LRRC8C: variants seen among roughly 807,000 people sequenced by gnomAD.
The protein encoded by LRRC8C is leucine rich repeat containing 8 VRAC subunit C.
Under a neutral mutation model 55.3 loss-of-function variants are expected in LRRC8C, and 20 were observed. The observed-to-expected ratio is 0.36, with a 90% CI of 0.25 to 0.53. LRRC8C has a LOEUF of 0.53. LRRC8C is among the 20% of genes least tolerant of loss of function. The pLI is 0.92. For missense variants in LRRC8C, 659 were observed against 951.4 expected (o/e 0.69, Z 4.04); for synonymous variants, 376 against 360.7 (o/e 1.04, Z -0.48).
chr1:89,648,487 T>G (rs1656673325), intron 1 of LRRC8C, among the ~76,000 whole-genome samples: 1 of 152,164 alleles, frequency 6.6e-6, no homozygotes, highest in Non-Finnish European at 1.5e-5. Context: ...TATAAGGAAG[T>G]TAATATCTTC....
At chr1:89,682,366 G>T (rs1041646368) in intron 1 of LRRC8C, among the ~76,000 whole-genome samples, 2 of 152,072 alleles carry the variant, frequency 1.3e-5, no homozygotes, top group African/African-American at 2.4e-5. Flanking sequence ...AAAGCATGAG[G>T]TCTGTGAAGC....
At chr1:89,709,660 C>A (rs1247465748) in intron 2 of LRRC8C, among the ~76,000 whole-genome samples, 1 of 152,012 alleles carries the variant, frequency 6.6e-6, no homozygotes, top group Non-Finnish European at 1.5e-5. Flanking sequence ...TAAGAAGATG[C>A]CTCCCTTTTT....
At chr1:89,648,219 C>T (rs573555861) in intron 1 of LRRC8C, among the ~76,000 whole-genome samples, 13 of 152,196 alleles carry the variant, frequency 8.5e-5, no homozygotes, top group Non-Finnish European at 1.9e-4. Flanking sequence ...TCATTGAATT[C>T]CTAATTTTAA....
intron 1 of LRRC8C, among the ~76,000 whole-genome samples, chr1:89,654,860 G>A (rs1180988980): frequency 1.4e-5 from 2 of 142,170 alleles, no homozygotes; most frequent in East Asian, 2.1e-4. Flanking sequence ...TTGTGTGCTA[G>A]CACTTTAGTA....
chr1:89,682,612 G>T (rs1352892746), intron 1 of LRRC8C, among the ~76,000 whole-genome samples: 2 of 152,140 alleles, frequency 1.3e-5, no homozygotes, highest in African/African-American at 2.4e-5. Flanking sequence ...GGTTAGTAAG[G>T]CACCTTCACA....
At chr1:89,637,947 G>C (rs912857805) in intron 1 of LRRC8C, among the ~76,000 whole-genome samples, 1 of 152,104 alleles carries the variant, frequency 6.6e-6, no homozygotes, top group Non-Finnish European at 1.5e-5. Flanking sequence ...CTAACATTCG[G>C]TGTATCTAAC....
At position 89,684,214 on chromosome 1, in the gene LRRC8C, A is replaced by AGCCACT. The variant is rs1180522531; in HGVS notation, c.-4-2253_-4-2248dup. ...GGTTCCTGAGACCAAAAAGTTAGAGAGCCACTGCTCTATATTGGTGCATTT... is the reference window on the plus strand; with the variant it reads ...GGTTCCTGAGACCAAAAAGTTAGAGAGCCACTGCCACTGCTCTATATTGGTGCATTT... On this transcript the variant is annotated intron_variant, in intron 1 of 2. Transcript: ENST00000370454. Among the ~76,000 whole-genome samples, 11 of 152,208 alleles carry AGCCACT rather than the reference A, an allele frequency of 7.2e-5. No individual in the cohort carries two copies. The East Asian group carries it at 2.1e-3, about 29-fold the overall frequency.
chr1:89,631,989 T>C (rs1003533848), upstream of LRRC8C: 1 of 152,260 alleles, frequency 6.6e-6, no homozygotes, highest in Non-Finnish European at 1.5e-5. Flanking sequence ...GGCCAGCAAC[T>C]AGTTGTCTAT....
At chr1:89,686,203 C>G (rs575626958) in intron 1 of LRRC8C, among the ~76,000 whole-genome samples, 71 of 152,278 alleles carry the variant, frequency 4.7e-4, no homozygotes, top group Middle Eastern at 3.4e-3. Context: ...TGGAAAGTGT[C>G]TGGCCATGTT....
chr1:89,714,044 A>G lies in LRRC8C; in HGVS notation c.1474A>G (p.Asn492Asp), dbSNP rs1454813834. 1 of 1,613,864 alleles carries G rather than the reference A, an allele frequency of 6.2e-7. No homozygotes were observed. ...TGCGGCGCTCTCTTTCCTGAAGGAA[A>G]ACCTCAAGGTCTTGAGCGTCAAGTT... ...HSAALSFLKE[N>D]LKVLSVKFDD... is the part of the protein sequence containing the mutation. Residue 492 changes from asparagine (N) to aspartate (D), a missense_variant, in exon 3 of 3, where the codon AAC becomes GAC. This residue lies in a region of LRRC8C where 344 missense variants were observed against 464.6 expected (regional missense o/e 0.74). Transcript: ENST00000370454. This position sits in a 1 kb window ranked among gnomAD's most constrained non-coding sequence, Gnocchi z 4.6.
chr1:89,625,799 G>A, the LRRC8C span, among the ~76,000 whole-genome samples: 2 of 152,270 alleles, frequency 1.3e-5, no homozygotes, highest in South Asian at 2.1e-4. Flanking sequence ...AATTGCTTAG[G>A]CTTAAAATTA....
chr1:89,707,134 C>G (rs1165277603), intron 2 of LRRC8C, among the ~76,000 whole-genome samples: 16 of 151,976 alleles, frequency 1.1e-4, no homozygotes. Context: ...AGGCCAGGCG[C>G]TGTGGCTCAT....
At chr1:89,651,691 A>G (rs965293982) in intron 1 of LRRC8C, among the ~76,000 whole-genome samples, 6 of 151,962 alleles carry the variant, frequency 3.9e-5, no homozygotes, top group Non-Finnish European at 5.9e-5. Context: ...AAGATTGACA[A>G]TTTACTTGTT....
chr1:89,684,805 T>G (rs1229818816), intron 1 of LRRC8C, among the ~76,000 whole-genome samples: 2 of 152,212 alleles, frequency 1.3e-5, no homozygotes, highest in Non-Finnish European at 2.9e-5. Context: ...GATTCTACCC[T>G]GAAGAAACTT....
intron 1 of LRRC8C, among the ~76,000 whole-genome samples, chr1:89,671,132 T>C (rs1235015680): frequency 2.0e-5 from 3 of 152,088 alleles, no homozygotes; most frequent in African/African-American, 7.2e-5. Flanking sequence ...GGTACCATCA[T>C]AGCTCACTGC....
the LRRC8C span, chr1:89,624,900 T>G: frequency 6.6e-6 from 1 of 152,208 alleles, no homozygotes; most frequent in Non-Finnish European, 1.5e-5. Flanking sequence ...CCTAAGCATA[T>G]TAATACGCAT....
chr1:89,673,589 G>C (rs943231392), intron 1 of LRRC8C, among the ~76,000 whole-genome samples: 2 of 152,062 alleles, frequency 1.3e-5, no homozygotes, highest in Non-Finnish European at 2.9e-5. Context: ...TCTGACATAG[G>C]ATGCAAATTA....
At chr1:89,649,101 A>C (rs2101192761) in intron 1 of LRRC8C, among the ~76,000 whole-genome samples, 1 of 152,258 alleles carries the variant, frequency 6.6e-6, no homozygotes, top group South Asian at 2.1e-4. Flanking sequence ...TAGGAATAGA[A>C]TTTCTGGGTA....
intron 1 of LRRC8C, among the ~76,000 whole-genome samples, chr1:89,653,157 T>C (rs1362902998): frequency 6.6e-6 from 1 of 152,198 alleles, no homozygotes; most frequent in Non-Finnish European, 1.5e-5. Context: ...GAGCAATCAT[T>C]AGCCAACCTT....
Sources: allele counts gnomAD v4.1 joint callset (sites outside exome capture counted in the v4.1 genomes callset), GRCh38; gene constraint gnomAD v4.1.1; regional missense constraint gnomAD v4.1.1; non-coding constraint Gnocchi (gnomAD v3.1); transcripts MANE v1.5; gene names NCBI Gene and HGNC (gene_info 2026-07-23, HGNC 2026-07-21).